DOK5: variants seen among roughly 807,000 people sequenced by gnomAD.
DOK5 encodes the protein downstream of tyrosine kinase 5.
Under a neutral mutation model 43.3 loss-of-function variants are expected in DOK5, and 27 were observed. That is an observed-to-expected ratio of 0.62 (90% CI 0.46 to 0.86). The LOEUF (loss-of-function observed/expected upper bound fraction) is 0.86. Ranked by LOEUF, DOK5 falls within the 40% of genes least tolerant of loss-of-function variation. The probability of loss-of-function intolerance (pLI) is 0.00; values close to 1 mark genes in which losing one functional copy is unlikely to be tolerated. For synonymous variants in DOK5, 146 were observed against 140.1 expected (o/e 1.04, Z -0.30); for missense variants, 373 against 392.9 (o/e 0.95, Z 0.43).
At chr20:54,648,421 G>C (rs1003635967) in intron 7 of DOK5, among the ~76,000 whole-genome samples, 1 of 152,206 alleles carries the variant, frequency 6.6e-6, no homozygotes, top group Non-Finnish European at 1.5e-5. Context: ...GTGAGGCAGA[G>C]CTGTTGGTTT....
In DOK5 at chr20:54,618,111, T is replaced by C. The variant is rs896497539; in HGVS notation, c.735+7588T>C. ...GGCTTACAATGGAAAAGAATATTCA[T>C]GATCCCTGACCTGGAAGGAATCACT... On this transcript the variant is annotated intron_variant, in intron 6 of 7. Coordinates refer to ENST00000262593, the MANE Select transcript of DOK5 (RefSeq NM_018431.5). Among the ~76,000 whole-genome samples, 17 of 152,314 alleles carry C rather than the reference T, an allele frequency of 1.1e-4. No homozygotes were observed. In the East Asian group the frequency reaches 2.9e-3, roughly 26 times the overall value.
At chr20:54,609,516 A>G (rs534261733) in intron 5 of DOK5, among the ~76,000 whole-genome samples, 1 of 151,846 alleles carries the variant, frequency 6.6e-6, no homozygotes, top group East Asian at 1.9e-4. Context: ...ACTAAAATAT[A>G]TATATAGCAT....
intron 7 of DOK5, among the ~76,000 whole-genome samples, chr20:54,644,398 C>A (rs1220681449): frequency 2.0e-5 from 3 of 151,786 alleles, no homozygotes; most frequent in African/African-American, 7.3e-5. Flanking sequence ...ATGGTGAAAC[C>A]CTGTCTTTAC....
At chr20:54,606,412 G>A (rs1467942897) in intron 5 of DOK5, among the ~76,000 whole-genome samples, 1 of 152,150 alleles carries the variant, frequency 6.6e-6, no homozygotes, top group Non-Finnish European at 1.5e-5. Context: ...AGGAGGAATC[G>A]GGAGCAACAG....
intron 1 of DOK5, among the ~76,000 whole-genome samples, chr20:54,497,867 C>T (rs967552224): frequency 6.6e-6 from 1 of 152,078 alleles, no homozygotes; most frequent in Non-Finnish European, 1.5e-5. Context: ...ATACAGTGTA[C>T]ATTCTTACCT....
chr20:54,522,522 C>CTT (rs112690376), intron 1 of DOK5, among the ~76,000 whole-genome samples: 11 of 140,204 alleles, frequency 7.8e-5, no homozygotes, highest in African/African-American at 1.8e-4. Context: ...TTCTTTCTTT[C>CTT]TTTTTTTTTT....
intron 7 of DOK5, among the ~76,000 whole-genome samples, chr20:54,644,671 A>G (rs13040523): frequency 0.5 from 73,594 of 147,534 alleles, 19,726 homozygotes; most frequent in Middle Eastern, 0.72. Context: ...GCGCCACTGC[A>G]CTCCAGCCTG....
chr20:54,560,631 C>CT (rs1432773114), intron 2 of DOK5, among the ~76,000 whole-genome samples: 6 of 151,998 alleles, frequency 3.9e-5, no homozygotes, highest in African/African-American at 1.2e-4. Flanking sequence ...TCTTTCTTTC[C>CT]TTTTTTCAGA....
chr20:54,643,590 G>T lies in DOK5; in HGVS notation c.856+12G>T. On this transcript the variant is annotated intron_variant, in intron 7 of 7. Transcript: ENST00000262593. ...CTACCGCTTGCAAGGTAAGCGTGGG[G>T]CTACCTGTGTCCAGGGTGTGGGCCA... is the stretch of plus-strand genomic sequence containing the variant. The T allele has an allele frequency of 1.2e-6, 2 of 1,610,258 alleles. No homozygotes were observed. The highest frequency in any genetic ancestry group is 1.1e-5 in the South Asian group (1 of 90,888).
At chr20:54,572,605 C>T (rs986692934) in intron 2 of DOK5, among the ~76,000 whole-genome samples, 3 of 152,054 alleles carry the variant, frequency 2.0e-5, no homozygotes, top group Non-Finnish European at 2.9e-5. Flanking sequence ...CAGCCACTGC[C>T]GCTATTATTG....
At chr20:54,495,042 T>C (rs988383156) in intron 1 of DOK5, 2 of 151,966 alleles carry the variant, frequency 1.3e-5, no homozygotes, top group African/African-American at 4.8e-5. Context: ...TAATTTGATT[T>C]TCGTAAAATG....
At chr20:54,483,224 C>T (rs1029653989) in intron 1 of DOK5, among the ~76,000 whole-genome samples, 1 of 152,220 alleles carries the variant, frequency 6.6e-6, no homozygotes, top group Non-Finnish European at 1.5e-5. Flanking sequence ...ATTGTCCCCA[C>T]ATCTGCCAAT....
At chr20:54,514,626 A>C (rs1328184981) in intron 1 of DOK5, among the ~76,000 whole-genome samples, 1 of 111,642 alleles carries the variant, frequency 9.0e-6, no homozygotes, top group Non-Finnish European at 1.9e-5. Context: ...AAAGGCAATC[A>C]GGGGAGAGCA....
chr20:54,560,159 A>T (rs965183086), intron 2 of DOK5, among the ~76,000 whole-genome samples: 11 of 152,136 alleles, frequency 7.2e-5, no homozygotes, highest in African/African-American at 2.7e-4. Flanking sequence ...CTAATGATTC[A>T]TTCTTTTTTT....
chr20:54,628,972 G>T (rs1260491160), intron 6 of DOK5, among the ~76,000 whole-genome samples: 2 of 152,138 alleles, frequency 1.3e-5, no homozygotes, highest in South Asian at 4.1e-4. Flanking sequence ...TTGTAGAAAT[G>T]CAGGGAACAT....
At position 54,643,543 on chromosome 20, in the gene DOK5, G is replaced by A. The variant is rs893245214; in HGVS notation, c.821G>A (p.Arg274Gln). ...AGCGCCTACTGGCAGCACATCACAC[G>A]GCAGCACAGCACGGGACAGCTCTAC... ...PRSAYWQHIT[R>Q]QHSTGQLYRL... Residue 274 changes from arginine (R) to glutamine (Q), a missense_variant, in exon 7 of 8, where the codon CGG (arginine) becomes CAG (glutamine). Coordinates refer to ENST00000262593, the MANE Select transcript of DOK5 (RefSeq NM_018431.5). The A allele has an allele frequency of 6.8e-6, 11 of 1,613,250 alleles. No homozygotes were observed. The highest frequency in any genetic ancestry group is 1.6e-4 in the Middle Eastern group (1 of 6,084).
At chr20:54,596,348 A>T (rs754922360) in intron 5 of DOK5, among the ~76,000 whole-genome samples, 7 of 152,240 alleles carry the variant, frequency 4.6e-5, no homozygotes, top group Non-Finnish European at 4.4e-5. Context: ...GTTTTCACAT[A>T]TCCAACATGC....
intron 1 of DOK5, among the ~76,000 whole-genome samples, chr20:54,528,394 A>G (rs1983651127): frequency 6.6e-6 from 1 of 152,188 alleles, no homozygotes; most frequent in Non-Finnish European, 1.5e-5. Context: ...CATGGTCAAC[A>G]GGAAACCTGG....
intron 5 of DOK5, among the ~76,000 whole-genome samples, chr20:54,599,904 A>C (rs1986255737): frequency 6.6e-6 from 1 of 152,216 alleles, no homozygotes; most frequent in African/African-American, 2.4e-5. Flanking sequence ...CAGAAGAGAG[A>C]GATATAGACA....
Sources: allele counts gnomAD v4.1 joint callset (sites outside exome capture counted in the v4.1 genomes callset), GRCh38; gene constraint gnomAD v4.1.1; transcripts MANE v1.5; gene names NCBI Gene and HGNC (gene_info 2026-07-23, HGNC 2026-07-21).